PHC3: variants seen among roughly 807,000 people sequenced by gnomAD.
The protein encoded by PHC3 is polyhomeotic homolog 3.
In PHC3, 13 loss-of-function variants were observed where a neutral mutation model predicts 107.4. The observed-to-expected ratio is 0.12, with a 90% CI of 0.08 to 0.19. The LOEUF (loss-of-function observed/expected upper bound fraction) is 0.19. PHC3 is among the 10% of genes least tolerant of loss of function. The pLI, the probability that PHC3 is intolerant of heterozygous loss-of-function variation, is 1.00. For synonymous variants in PHC3, 456 were observed against 427.4 expected, an observed-to-expected ratio of 1.07 and a Z score of -0.83; for missense variants, 992 against 1,210.9, an observed-to-expected ratio of 0.82 and a Z score of 2.68.
chr3:170,124,950 T>C (rs2108436802), intron 8 of PHC3, among the ~76,000 whole-genome samples: 1 of 152,324 alleles, frequency 6.6e-6, no homozygotes, highest in African/African-American at 2.4e-5. Flanking sequence ...AAGGCTCCAC[T>C]AAGAATAAAA....
intron 11 of PHC3, among the ~76,000 whole-genome samples, chr3:170,107,189 G>A (rs1716700746): frequency 6.6e-6 from 1 of 151,390 alleles, no homozygotes. Flanking sequence ...ATTTTAAAAG[G>A]TTCATCTTGC....
At chr3:170,110,546 T>G (rs1274441908) in intron 11 of PHC3, among the ~76,000 whole-genome samples, 1 of 152,198 alleles carries the variant, frequency 6.6e-6, no homozygotes, top group Non-Finnish European at 1.5e-5. Context: ...TTAGCCAGTT[T>G]TAAAGTTCTA....
intron 7 of PHC3, among the ~76,000 whole-genome samples, chr3:170,133,716 A>C (rs1226106285): frequency 6.6e-6 from 1 of 152,164 alleles, no homozygotes; most frequent in African/African-American, 2.4e-5. Flanking sequence ...GTTTTGGCTT[A>C]CTGGTTTCCT....
At position 170,093,015 on chromosome 3, in the gene PHC3, G is replaced by C. The variant is rs1301580128; in HGVS notation, c.*4215C>G. The C allele has an allele frequency of 1.3e-5, 2 of 152,162 alleles. No individual in the cohort carries two copies. The highest frequency in any genetic ancestry group is 4.8e-5 in the African/African-American group (2 of 41,418). The allele number at this position is 152,162 out of a possible 1,614,324, so 9.4% of individuals were successfully genotyped here. ...TATCCTCTTGGGTCTAGAATGCTTTGTTCCTCCTACTTGTCTCCTCCTCTA... is the reference window on the plus strand; with the variant it reads ...TATCCTCTTGGGTCTAGAATGCTTTCTTCCTCCTACTTGTCTCCTCCTCTA... On this transcript the variant is annotated 3_prime_UTR_variant, in exon 15 of 15. Transcript: ENST00000495893.
At chr3:170,130,802 CTAAG>C (rs1041042218) in intron 7 of PHC3, among the ~76,000 whole-genome samples, 4 of 152,036 alleles carry the variant, frequency 2.6e-5, no homozygotes, top group African/African-American at 9.7e-5. Context: ...TGATGAAATC[CTAAG>C]TAAGAATGGA....
intron 7 of PHC3, 73 bp downstream of exon 7, chr3:170,136,346 A>T: frequency 6.4e-7 from 1 of 1,569,612 alleles, no homozygotes; most frequent in South Asian, 1.2e-5. Flanking sequence ...TCAAGTCATG[A>T]ACATCCTTTG....
At chr3:170,111,696 T>C (rs1027140133) in intron 11 of PHC3, among the ~76,000 whole-genome samples, 1 of 152,204 alleles carries the variant, frequency 6.6e-6, no homozygotes, top group Non-Finnish European at 1.5e-5. Context: ...TTTAAACTAA[T>C]ATACTCCTTG....
At chr3:170,154,452 C>G (rs998618712) in intron 4 of PHC3, among the ~76,000 whole-genome samples, 4 of 151,364 alleles carry the variant, frequency 2.6e-5, no homozygotes, top group Non-Finnish European at 5.9e-5. Flanking sequence ...GTGATTCTTT[C>G]AAAAAACAGT....
At position 170,162,702 on chromosome 3, in the gene PHC3, T is replaced by C. The variant is rs539100664; in HGVS notation, c.414+8671A>G. On this transcript the variant is annotated intron_variant, in intron 4 of 14. Transcript: ENST00000495893. ...ACTCTCAAAAACCAATTTGAGATCA[T>C]GTCACTTCCATACCAGAACAGCTCT... Among the ~76,000 whole-genome samples, 21 of 152,304 alleles carry C rather than the reference T, an allele frequency of 1.4e-4. No homozygotes were observed. In the South Asian group the frequency reaches 4.1e-3, roughly 30 times the overall value.
intron 4 of PHC3, among the ~76,000 whole-genome samples, chr3:170,166,823 C>A (rs1306368356): frequency 1.3e-5 from 2 of 151,942 alleles, no homozygotes; most frequent in Non-Finnish European, 2.9e-5. Context: ...CACCACCACA[C>A]CTGGCTAATT....
intron 11 of PHC3, among the ~76,000 whole-genome samples, chr3:170,110,160 C>A: frequency 6.6e-6 from 1 of 152,004 alleles, no homozygotes; most frequent in African/African-American, 2.4e-5. Flanking sequence ...CAATTACATG[C>A]AAAATTTATA....
chr3:170,106,868 C>G lies in PHC3; in HGVS notation c.2432G>C (p.Arg811Pro). 1.2e-6 allele frequency: 2 copies of G among 1,612,014 alleles called. No individual in the cohort carries two copies. The highest frequency in any genetic ancestry group is 1.7e-6 in the Non-Finnish European group (2 of 1,179,220). ...GKMGYANEFL[R>P]SKRFCTMSCA... ...TGACATAGTGCAGAATCGTTTTGAC[C>G]GCAAAAATTCATTAGCATATCCCAT... is the stretch of plus-strand genomic sequence containing the variant. The change falls in exon 12 of 15, where the codon CGG (arginine) becomes CCG (proline). Residue 811 changes from arginine to proline, a missense_variant. Arg to Pro is a moderately radical substitution (Grantham distance 103). This residue lies in a region of PHC3 where 228 missense variants were observed against 288.8 expected (regional missense o/e 0.79). Coordinates refer to ENST00000495893, the MANE Select transcript of PHC3 (RefSeq NM_024947.4).
intron 2 of PHC3, among the ~76,000 whole-genome samples, chr3:170,177,666 ATTTTT>A (rs67401455): frequency 1.2e-4 from 12 of 101,948 alleles, no homozygotes; most frequent in Non-Finnish European, 2.3e-4. Context: ...CACGCCCAGC[ATTTTT>A]TTTTTTTTTT....
rs1214287222 is a variant in PHC3 at position 170,102,983 on chromosome 3, CA to C, written c.2469-50del. Reference sequence around the variant, plus strand: ...ATATTTAATGATATATGGGACAATCCATTTAGTATTTAATTGTGACTTTAAA... The same window carrying C: ...ATATTTAATGATATATGGGACAATCCTTTAGTATTTAATTGTGACTTTAAA... On this transcript the variant is annotated intron_variant, in intron 12 of 14. Transcript: ENST00000495893. The C allele has an allele frequency of 4.6e-6, 7 of 1,528,462 alleles. No individual in the cohort carries two copies. In the South Asian group the frequency reaches 8.3e-5, roughly 18 times the overall value. 94.7% of individuals were successfully genotyped at this position (1,528,462 alleles called of 1,614,324 possible).
Position 170,122,627 on chromosome 3 carries a change from T to C in PHC3, c.1906A>G (p.Arg636Gly), listed in dbSNP as rs768179669. 7.4e-6 allele frequency: 12 copies of C among 1,613,952 alleles called. No homozygotes were observed. Among genetic ancestry groups the C allele is most frequent in the Non-Finnish European group, 1.0e-5 (12 of 1,179,864 alleles). Residue 636 changes from arginine (R) to glycine (G), a missense_variant, in exon 9 of 15, where the codon AGA becomes GGA. Arg to Gly is a moderately radical substitution (Grantham distance 125). Coordinates refer to ENST00000495893, the MANE Select transcript of PHC3 (RefSeq NM_024947.4). ...TLSPAAITVGRGEDLTSEHPL... is the reference protein window; with the variant it reads ...TLSPAAITVGGGEDLTSEHPL... ...TGTTCAGAAGTCAAATCTTCTCCTC[T>C]CCCCACTGTTATAGCTGCTGGAGAC...
chr3:170,165,592 A>G (rs947720670), intron 4 of PHC3, among the ~76,000 whole-genome samples: 4 of 151,778 alleles, frequency 2.6e-5, no homozygotes, highest in Admixed American at 1.3e-4. Flanking sequence ...CGTCTCTACT[A>G]AAAATACAAA....
intron 8 of PHC3, among the ~76,000 whole-genome samples, chr3:170,125,253 G>T (rs1399939470): frequency 1.3e-5 from 2 of 152,000 alleles, no homozygotes; most frequent in African/African-American, 4.8e-5. Flanking sequence ...TTTAAATGAT[G>T]ATAATGCCCA....
At position 170,097,365 on chromosome 3, in the gene PHC3, A is replaced by C; in HGVS notation, c.2853T>G (p.Asp951Glu). The part of the protein sequence containing the change: ...HSLPGCQDIA[D>E]EFRAQEIDGQ... Reference sequence around the variant, plus strand: ...CATCAATCTCCTGTGCTCTGAATTCATCTGCGATATCCTGGCAGCCTGGAA... The same window carrying C: ...CATCAATCTCCTGTGCTCTGAATTCCTCTGCGATATCCTGGCAGCCTGGAA... The change falls in exon 15 of 15, where the codon GAT becomes GAG. Residue 951 changes from aspartate (D) to glutamate (E), a missense_variant. Asp to Glu is a conservative substitution (Grantham distance 45). Transcript: ENST00000495893. The surrounding 1 kb of genome is among the most constrained non-coding windows in gnomAD (Gnocchi z 4.1). The C allele has an allele frequency of 6.2e-7, 1 of 1,613,000 alleles. No homozygotes were observed. Among genetic ancestry groups the C allele is most frequent in the South Asian group, 1.1e-5 (1 of 90,994 alleles).
At chr3:170,139,626 A>G (rs981535334) in intron 6 of PHC3, among the ~76,000 whole-genome samples, 1 of 152,208 alleles carries the variant, frequency 6.6e-6, no homozygotes, top group African/African-American at 2.4e-5. Context: ...ATGTTTATAT[A>G]CTTACATACA....
Sources: gnomAD v4.1 joint callset for allele counts (sites outside exome capture counted in the v4.1 genomes callset) on GRCh38, gnomAD v4.1.1 for gene constraint, gnomAD v4.1.1 regional missense constraint, Gnocchi (gnomAD v3.1) non-coding constraint, MANE v1.5 for transcripts, NCBI Gene and HGNC (gene_info 2026-07-23, HGNC 2026-07-21) for gene names.